The following HERC1 variants were observed in gnomAD, a reference collection of about 807,000 sequenced individuals.
HERC1 encodes the protein HECT and RLD domain containing E3 ubiquitin protein ligase family member 1, also known as probable E3 ubiquitin-protein ligase HERC1.
Under a neutral mutation model 554.3 loss-of-function variants are expected in HERC1, and 160 were observed. That is an observed-to-expected ratio of 0.29 (90% CI 0.25 to 0.33). The LOEUF (loss-of-function observed/expected upper bound fraction) is 0.33, where lower values mean the gene tolerates loss of function less well. Ranked by LOEUF, HERC1 falls within the 10% of genes least tolerant of loss-of-function variation. The pLI is 1.00. For synonymous variants in HERC1, 2,175 were observed against 2,131.7 expected, an observed-to-expected ratio of 1.02 and a Z score of -0.56; for missense variants, 4,919 against 5,918.5, an observed-to-expected ratio of 0.83 and a Z score of 5.54.
At chr15:63,807,186 C>G (rs2077164726) in intron 1 of HERC1, among the ~76,000 whole-genome samples, 1 of 152,126 alleles carries the variant, frequency 6.6e-6, no homozygotes, top group Admixed American at 6.5e-5. Flanking sequence ...TGCCCCCAAC[C>G]TCCTCAAATC....
At chr15:63,625,917 C>T (rs753978228) in intron 71 of HERC1, 68 bp downstream of exon 71, 46 of 1,506,790 alleles carry the variant, frequency 3.1e-5, no homozygotes, top group Middle Eastern at 1.7e-4. Flanking sequence ...TGGGGCCTGG[C>T]GAGCATGTCA....
chr15:63,641,160 G>A (rs961115007), intron 60 of HERC1, among the ~76,000 whole-genome samples: 1 of 152,094 alleles, frequency 6.6e-6, no homozygotes, highest in African/African-American at 2.4e-5. Context: ...TATATGTGTG[G>A]GTCAGAAAAG....
intron 6 of HERC1, among the ~76,000 whole-genome samples, 154 bp from the exon 7 acceptor site, chr15:63,754,802 T>A (rs887374246): frequency 7.9e-5 from 12 of 152,222 alleles, no homozygotes; most frequent in African/African-American, 2.9e-4. Context: ...TTCTAACATC[T>A]TCTCAATCTT....
In HERC1 at chr15:63,678,249, G is replaced by C. The variant is rs559727595; in HGVS notation, c.6666C>G (p.Ile2222Met). ...AAGTCCAACGGTCTGTTCGGTGAAG[G>C]ATACGGATGAGCTGAATAGTGGCCT... ...LAEATIQLIR[I>M]LHRTDRWTYC... The change falls in exon 37 of 78, where the codon ATC becomes ATG. Residue 2222 changes from isoleucine (I) to methionine (M), a missense_variant. Around this residue, in one of 11 missense-constraint regions of HERC1, gnomAD observed 1,963 missense variants for 2,228.6 expected, o/e 0.88. Transcript: ENST00000443617. 1 of 1,613,540 alleles carries C rather than the reference G, an allele frequency of 6.2e-7. No individual in the cohort carries two copies. Among genetic ancestry groups the C allele is most frequent in the African/African-American group, 1.3e-5 (1 of 74,812 alleles).
chr15:63,615,130 G>A (rs1164842162), intron 76 of HERC1, among the ~76,000 whole-genome samples: 1 of 152,204 alleles, frequency 6.6e-6, no homozygotes, highest in Admixed American at 6.5e-5. Flanking sequence ...GAGACGCTGA[G>A]CTGGGAAGCA....
intron 12 of HERC1, among the ~76,000 whole-genome samples, chr15:63,745,151 CTTCCCTCTCAAGTGGAAGA>C: frequency 6.6e-6 from 1 of 152,296 alleles, no homozygotes; most frequent in South Asian, 2.1e-4. Context: ...CCTGCCCACT[CTTCCCTCTCAAGTGGAAGA>C]AAGGGGTCTC....
intron 3 of HERC1, 23 bp downstream of exon 3, chr15:63,764,073 C>A (rs749629796): frequency 6.6e-7 from 1 of 1,512,614 alleles, no homozygotes; most frequent in South Asian, 1.2e-5. Context: ...GTTGTTAATA[C>A]AAAAGCCACG....
intron 34 of HERC1, among the ~76,000 whole-genome samples, chr15:63,682,520 T>C (rs2071529562): frequency 6.6e-6 from 1 of 152,124 alleles, no homozygotes; most frequent in Admixed American, 6.5e-5. Flanking sequence ...CCTGTAATCT[T>C]AGCACTTTGG....
At chr15:63,736,610 CTCTT>C (rs2141164876) in intron 12 of HERC1, among the ~76,000 whole-genome samples, 1 of 78,944 alleles carries the variant, frequency 1.3e-5, no homozygotes, top group East Asian at 2.0e-4. Flanking sequence ...GCATCACACT[CTCTT>C]TTTTTTTTTT....
chr15:63,811,569 G>C (rs925384339), intron 1 of HERC1, among the ~76,000 whole-genome samples: 1 of 152,048 alleles, frequency 6.6e-6, no homozygotes, highest in Admixed American at 6.5e-5. Context: ...CAGCACTTTC[G>C]GCGGCCGAGA....
intron 1 of HERC1, among the ~76,000 whole-genome samples, chr15:63,810,264 G>C (rs2077261753): frequency 6.6e-6 from 1 of 152,112 alleles, no homozygotes; most frequent in Non-Finnish European, 1.5e-5. Context: ...GGCAGAAATA[G>C]ACCAATTGTC....
At chr15:63,639,428 T>C (rs2068933410) in intron 61 of HERC1, among the ~76,000 whole-genome samples, 1 of 152,194 alleles carries the variant, frequency 6.6e-6, no homozygotes, top group African/African-American at 2.4e-5. Context: ...CTGTATCATC[T>C]AGGTTTGTGT....
intron 25 of HERC1, among the ~76,000 whole-genome samples, chr15:63,699,987 A>G (rs1356506732): frequency 6.6e-6 from 1 of 152,158 alleles, no homozygotes; most frequent in Non-Finnish European, 1.5e-5. Flanking sequence ...TATTTATAAT[A>G]AATATCTGTG....
rs184160638 is a variant in HERC1, at chr15:63,708,814, C to G, written c.4585-1983G>C. Among the ~76,000 whole-genome samples, 171 of 152,218 alleles carry G rather than the reference C, an allele frequency of 1.1e-3. 1 individual carries two copies. The highest frequency in any genetic ancestry group is 4.1e-3 in the African/African-American group (169 of 41,536). On this transcript the variant is annotated intron_variant, in intron 24 of 77. Coordinates refer to ENST00000443617, the MANE Select transcript of HERC1 (RefSeq NM_003922.4). ...AGGGTAACATATTTCAGCTGGAAAA[C>G]CCAAACCATCCCAAGTGCTTGCTCC... is the stretch of plus-strand genomic sequence containing the variant.
chr15:63,752,856 A>T, intron 8 of HERC1, 102 bp downstream of exon 8: 1 of 1,117,638 alleles, frequency 8.9e-7, no homozygotes, highest in South Asian at 1.7e-5. Context: ...TTGCCTAAAA[A>T]TGTATTTATT....
rs1025374029 is a variant in HERC1 at position 63,637,558 on chromosome 15, C to G, written c.12179G>C (p.Gly4060Ala). The G allele has an allele frequency of 2.6e-6, 4 of 1,562,254 alleles. No homozygotes were observed. The highest frequency in any genetic ancestry group is 3.5e-6 in the Non-Finnish European group (4 of 1,151,790). Residue 4060 changes from glycine to alanine, a missense_variant, in exon 64 of 78, where the codon GGA becomes GCA. This residue lies in a region of HERC1 where 122 missense variants were observed against 195.2 expected (regional missense o/e 0.63). Coordinates refer to ENST00000443617, the MANE Select transcript of HERC1 (RefSeq NM_003922.4). ...ACGEGSYGRL[G>A]QGNSDDLHVL... ...ATGAAGGTCATCTGAATTTCCTTGT[C>G]CTAATCTGCCATAACTTCCTTCCCC...
intron 22 of HERC1, among the ~76,000 whole-genome samples, 188 bp downstream of exon 22, chr15:63,716,114 A>G (rs780444870): frequency 4.6e-5 from 7 of 152,296 alleles, no homozygotes; most frequent in Non-Finnish European, 8.8e-5. Context: ...ATGTAACCCA[A>G]AAGCATCAGA....
chr15:63,654,811 G>A (rs1464873064), intron 50 of HERC1, among the ~76,000 whole-genome samples: 1 of 151,550 alleles, frequency 6.6e-6, no homozygotes, highest in African/African-American at 2.4e-5. Flanking sequence ...GGAGGTTGCG[G>A]TGAGCCGAGA....
Position 63,693,954 on chromosome 15 carries a change from C to T in HERC1, c.5674+10G>A. On this transcript the variant is annotated intron_variant, in intron 30 of 77. Transcript: ENST00000443617. ...TTGTAAGTAAAGACAGAGAAAGAGG[C>T]TTACATTACCTCTGAAATCTTTCTT... 1.9e-6 allele frequency: 3 copies of T among 1,548,754 alleles called. No homozygotes were observed. Among genetic ancestry groups the T allele is most frequent in the Non-Finnish European group, 2.6e-6 (3 of 1,145,904 alleles).
Sources: gnomAD v4.1 joint callset for allele counts (sites outside exome capture counted in the v4.1 genomes callset) on GRCh38, gnomAD v4.1.1 for gene constraint, gnomAD v4.1.1 regional missense constraint, MANE v1.5 for transcripts, NCBI Gene and HGNC (gene_info 2026-07-23, HGNC 2026-07-21) for gene names.